DMD: variants seen among roughly 807,000 people sequenced by gnomAD.
DMD encodes the protein dystrophin.
DMD carries 63 observed loss-of-function variants against 330.1 expected under a neutral mutation model. The ratio of observed to expected loss-of-function variants is 0.19; its 90% CI spans 0.16 to 0.24. The LOEUF (loss-of-function observed/expected upper bound fraction) is 0.24. DMD is among the 10% of genes least tolerant of loss of function. The pLI is 1.00. For synonymous variants in DMD, 1,223 were observed against 959.8 expected (o/e 1.27, Z -5.07); for missense variants, 3,344 against 2,684.1 (o/e 1.25, Z -5.43).
intron 12 of DMD, among the ~76,000 whole-genome samples, chrX:32,611,341 TTAAA>T (rs1396351974): frequency 9.0e-6 from 1 of 111,160 alleles, no homozygotes; most frequent in Non-Finnish European, 1.9e-5. Flanking sequence ...TTTATGCCCT[TTAAA>T]TAAATAAATA....
chrX:32,695,847 TGGAA>T (rs2063614614), intron 9 of DMD, among the ~76,000 whole-genome samples: 1 of 111,706 alleles, frequency 9.0e-6, no homozygotes, highest in Non-Finnish European at 1.9e-5. Context: ...CTAAAGAAGT[TGGAA>T]GAACAGAAAG....
chrX:32,172,450 C>A (rs955433577), intron 44 of DMD, among the ~76,000 whole-genome samples: 1 of 111,371 alleles, frequency 9.0e-6, no homozygotes, highest in Non-Finnish European at 1.9e-5. Context: ...CATCAGTTTC[C>A]GAATATGCCA....
chrX:32,186,581 A>G (rs1263485877), intron 44 of DMD, among the ~76,000 whole-genome samples: 1 of 111,671 alleles, frequency 9.0e-6, no homozygotes, highest in African/African-American at 3.2e-5. Flanking sequence ...TTTTGATTCT[A>G]GTTTTCCATT....
chrX:32,536,299 G>T (rs1174067802), intron 17 of DMD, among the ~76,000 whole-genome samples: 1 of 101,445 alleles, frequency 9.9e-6, no homozygotes, highest in African/African-American at 4.1e-5. Flanking sequence ...CACACAAATG[G>T]CTGAGAACTG....
chrX:32,835,948 T>C (rs1262272296), intron 4 of DMD, among the ~76,000 whole-genome samples: 1 of 111,284 alleles, frequency 9.0e-6, no homozygotes, highest in Admixed American at 9.6e-5. Context: ...CATAGGTTTA[T>C]AGAATTAGGA....
intron 9 of DMD, among the ~76,000 whole-genome samples, chrX:32,677,560 AT>A (rs758135544): frequency 1.8e-5 from 2 of 111,850 alleles, no homozygotes; most frequent in East Asian, 5.6e-4. Flanking sequence ...ACCTCTTAAA[AT>A]TTGGAATGCT....
chrX:32,020,550 G>T (rs998500152), intron 44 of DMD, among the ~76,000 whole-genome samples: 7 of 111,490 alleles, frequency 6.3e-5, no homozygotes, highest in Non-Finnish European at 1.3e-4. Context: ...CCTCATAAAA[G>T]GAAGAACAGC....
intron 2 of DMD, among the ~76,000 whole-genome samples, chrX:33,010,644 T>C (rs144611689): frequency 9.0e-6 from 1 of 111,520 alleles, no homozygotes; most frequent in African/African-American, 3.2e-5. Context: ...TCAGATTGAT[T>C]GATTTTGAGT....
At chrX:32,122,102 T>C (rs2096639098) in intron 44 of DMD, among the ~76,000 whole-genome samples, 2 of 111,456 alleles carry the variant, frequency 1.8e-5, no homozygotes, top group Non-Finnish European at 1.9e-5. Context: ...TAGTTCTGTT[T>C]CCTTCGAATC....
intron 44 of DMD, among the ~76,000 whole-genome samples, chrX:32,082,985 C>T (rs2096405161): frequency 8.9e-6 from 1 of 111,888 alleles, no homozygotes; most frequent in Non-Finnish European, 1.9e-5. Flanking sequence ...CATTCTGTTC[C>T]TATGTTTCTA....
intron 7 of DMD, among the ~76,000 whole-genome samples, chrX:32,767,344 A>G (rs10522016): frequency 0.082 from 9,029 of 110,531 alleles, 370 homozygotes; most frequent in Admixed American, 0.19. Flanking sequence ...GTCCATCTCC[A>G]TTTATGAATT....
intron 62 of DMD, among the ~76,000 whole-genome samples, chrX:31,270,763 T>G (rs372109111): frequency 8.9e-6 from 1 of 111,794 alleles, no homozygotes; most frequent in African/African-American, 3.3e-5. Flanking sequence ...GAAAAATCAC[T>G]CAGGCAATGG....
At chrX:31,376,537 G>T (rs1213637099) in intron 60 of DMD, among the ~76,000 whole-genome samples, 1 of 111,972 alleles carries the variant, frequency 8.9e-6, no homozygotes, top group Non-Finnish European at 1.9e-5. Context: ...CAGGACAAAA[G>T]AATATACAGA....
intron 48 of DMD, among the ~76,000 whole-genome samples, chrX:31,869,956 C>T (rs1454295956): frequency 9.0e-6 from 1 of 111,335 alleles, no homozygotes; most frequent in Non-Finnish European, 1.9e-5. Context: ...AACCATTAAT[C>T]TTCGTCTTCC....
chrX:31,823,175 C>T (rs2092812445), intron 49 of DMD, among the ~76,000 whole-genome samples: 1 of 112,670 alleles, frequency 8.9e-6, no homozygotes, highest in Admixed American at 9.3e-5. Flanking sequence ...AAGGAGGCAC[C>T]CCTCTGTGCA....
intron 44 of DMD, among the ~76,000 whole-genome samples, chrX:31,996,092 G>C (rs1211311165): frequency 8.9e-6 from 1 of 111,831 alleles, no homozygotes; most frequent in Non-Finnish European, 1.9e-5. Context: ...CCATGAATCG[G>C]CCATGGCTTT....
At chrX:32,933,902 A>G (rs5927113) in intron 2 of DMD, among the ~76,000 whole-genome samples, 16,682 of 111,116 alleles carry the variant, frequency 0.15, 1,299 homozygotes, top group African/African-American at 0.29. Context: ...TAGGGTCTTT[A>G]TCTCAATGCC....
At chrX:31,128,166 T>C (rs2033985048) in intron 77 of DMD, among the ~76,000 whole-genome samples, 1 of 111,594 alleles carries the variant, frequency 9.0e-6, no homozygotes, top group Admixed American at 9.5e-5. Context: ...GCAAGGTTTT[T>C]TTAAAAAAGT....
intron 2 of DMD, among the ~76,000 whole-genome samples, chrX:32,955,028 A>T (rs190069546): frequency 8.9e-6 from 1 of 111,883 alleles, no homozygotes; most frequent in East Asian, 2.8e-4. Flanking sequence ...TTTGTAATAG[A>T]ACGATTTATA....
Sources: gnomAD v4.1 joint callset for allele counts (sites outside exome capture counted in the v4.1 genomes callset) on GRCh38, gnomAD v4.1.1 for gene constraint, MANE v1.5 for transcripts, NCBI Gene and HGNC (gene_info 2026-07-23, HGNC 2026-07-21) for gene names.